Variants in GRM7 observed in about 807,000 individuals in gnomAD.
GRM7 encodes metabotropic glutamate receptor 7.
A neutral mutation model predicts 84.5 loss-of-function variants in GRM7; 35 were observed. The observed-to-expected ratio is 0.41, with a 90% confidence interval of 0.32 to 0.55. GRM7 has a LOEUF of 0.55. Ranked by LOEUF, GRM7 falls within the 20% of genes least tolerant of loss-of-function variation. The pLI, the probability that GRM7 is intolerant of heterozygous loss-of-function variation, is 0.19. For synonymous variants in GRM7, 487 were observed against 455.1 expected, an observed-to-expected ratio of 1.07 and a Z score of -0.89; for missense variants, 1,003 against 1,194.6, an observed-to-expected ratio of 0.84 and a Z score of 2.36.
chr3:7,647,996 A>G (rs535520670), intron 8 of GRM7, among the ~76,000 whole-genome samples: 1 of 152,246 alleles, frequency 6.6e-6, no homozygotes, highest in African/African-American at 2.4e-5. Flanking sequence ...CCACCAGAGA[A>G]GAGTCTTTTG....
intron 9 of GRM7, among the ~76,000 whole-genome samples, chr3:7,715,051 G>C (rs2125168316): frequency 6.6e-6 from 1 of 152,272 alleles, no homozygotes; most frequent in East Asian, 1.9e-4. Context: ...CGATTTGGGA[G>C]ATAAATAGCC....
At chr3:7,644,592 G>C (rs1698534756) in intron 8 of GRM7, among the ~76,000 whole-genome samples, 1 of 152,166 alleles carries the variant, frequency 6.6e-6, no homozygotes, top group South Asian at 2.1e-4. Flanking sequence ...TCACCATGCT[G>C]AAGACTGTAA....
At chr3:7,231,879 A>G (rs1382185676) in intron 2 of GRM7, among the ~76,000 whole-genome samples, 1 of 152,096 alleles carries the variant, frequency 6.6e-6, no homozygotes, top group Non-Finnish European at 1.5e-5. Context: ...TCCAGACCCA[A>G]TTTATATTGG....
chr3:7,473,796 C>G (rs1698810541), intron 7 of GRM7, among the ~76,000 whole-genome samples: 1 of 152,088 alleles, frequency 6.6e-6, no homozygotes, highest in African/African-American at 2.4e-5. Context: ...CTATTTATCC[C>G]TATGGTAACT....
At chr3:7,013,256 T>C (rs942185478) in intron 1 of GRM7, among the ~76,000 whole-genome samples, 3 of 150,432 alleles carry the variant, frequency 2.0e-5, no homozygotes, top group Non-Finnish European at 4.4e-5. Flanking sequence ...CTCTTGTTAA[T>C]CTGTCATTTT....
intron 7 of GRM7, among the ~76,000 whole-genome samples, chr3:7,464,265 C>T (rs76384435): frequency 6.6e-6 from 1 of 151,934 alleles, no homozygotes; most frequent in African/African-American, 2.4e-5. Context: ...TAACGTGAGG[C>T]ACTGTGTGGA....
intron 1 of GRM7, among the ~76,000 whole-genome samples, chr3:7,024,709 G>A (rs569044734): frequency 8.5e-5 from 13 of 152,304 alleles, no homozygotes; most frequent in South Asian, 2.1e-4. Flanking sequence ...CCTAGAAGGG[G>A]CTGCTTGTTA....
At chr3:7,390,651 C>T (rs1051670629) in intron 4 of GRM7, among the ~76,000 whole-genome samples, 2 of 152,054 alleles carry the variant, frequency 1.3e-5, no homozygotes, top group Non-Finnish European at 2.9e-5. Flanking sequence ...TCTGTTAAGG[C>T]GTCCAATTGT....
At chr3:6,986,717 G>A (rs949772334) in intron 1 of GRM7, among the ~76,000 whole-genome samples, 8 of 152,120 alleles carry the variant, frequency 5.3e-5, no homozygotes, top group African/African-American at 1.9e-4. Flanking sequence ...TTCTAATCCT[G>A]TCCTGGCTTC....
At chr3:7,252,663 A>C (rs946057952) in intron 2 of GRM7, among the ~76,000 whole-genome samples, 1 of 19,678 alleles carries the variant, frequency 5.1e-5, no homozygotes, top group Non-Finnish European at 1.3e-4. Flanking sequence ...TCTCTTTTCT[A>C]TTTTTTTCTT....
chr3:7,077,234 A>C (rs1292066267), intron 1 of GRM7, among the ~76,000 whole-genome samples: 1 of 152,218 alleles, frequency 6.6e-6, no homozygotes, highest in African/African-American at 2.4e-5. Context: ...TGTATACCCA[A>C]AGGATTATAA....
intron 2 of GRM7, among the ~76,000 whole-genome samples, chr3:7,281,867 G>A (rs577099688): frequency 6.6e-6 from 1 of 152,346 alleles, no homozygotes; most frequent in East Asian, 1.9e-4. Flanking sequence ...GATTGCCTGA[G>A]TTCAGGAGTT....
intron 1 of GRM7, among the ~76,000 whole-genome samples, chr3:6,913,832 T>C (rs539427983): frequency 4.6e-5 from 7 of 152,294 alleles, no homozygotes; most frequent in African/African-American, 1.7e-4. Context: ...GACAGAATGA[T>C]AGAGTTCATA....
At chr3:7,172,613 C>A (rs1451535887) in intron 2 of GRM7, among the ~76,000 whole-genome samples, 1 of 135,864 alleles carries the variant, frequency 7.4e-6, no homozygotes, top group Non-Finnish European at 1.5e-5. Context: ...CATCATTGCA[C>A]ATGGTGTCAA....
At chr3:7,081,404 A>T (rs1698270719) in intron 1 of GRM7, among the ~76,000 whole-genome samples, 1 of 152,092 alleles carries the variant, frequency 6.6e-6, no homozygotes, top group Admixed American at 6.6e-5. Flanking sequence ...GGCACCACAA[A>T]CAGTCTCCGT....
chr3:7,012,307 T>G (rs977437761), intron 1 of GRM7, among the ~76,000 whole-genome samples: 25 of 152,196 alleles, frequency 1.6e-4, no homozygotes, highest in Non-Finnish European at 2.9e-5. Flanking sequence ...ACTTTGGTTT[T>G]TAAAGGGCAT....
intron 1 of GRM7, among the ~76,000 whole-genome samples, chr3:6,977,662 T>C (rs1193584202): frequency 6.6e-6 from 1 of 152,146 alleles, no homozygotes; most frequent in Non-Finnish European, 1.5e-5. Flanking sequence ...ATAATGTGGA[T>C]CAGTACCTTG....
chr3:7,137,092 C>T (rs1693796989), intron 1 of GRM7, among the ~76,000 whole-genome samples: 1 of 151,910 alleles, frequency 6.6e-6, no homozygotes, highest in Non-Finnish European at 1.5e-5. Context: ...TTCAGTCAAC[C>T]AAAATAATTC....
chr3:7,326,888 A>G (rs1701010559), intron 4 of GRM7, among the ~76,000 whole-genome samples: 2 of 151,896 alleles, frequency 1.3e-5, no homozygotes, highest in Non-Finnish European at 2.9e-5. Context: ...TATCCTCACC[A>G]CTATAATTCC....
Sources: gnomAD v4.1 joint callset for allele counts (sites outside exome capture counted in the v4.1 genomes callset) on GRCh38, gnomAD v4.1.1 for gene constraint, MANE v1.5 for transcripts, NCBI Gene and HGNC (gene_info 2026-07-23, HGNC 2026-07-21) for gene names.